MAGI1: variants seen among roughly 807,000 people sequenced by gnomAD.
The protein encoded by MAGI1 is membrane associated guanylate kinase, WW and PDZ domain containing 1.
MAGI1 carries 58 observed loss-of-function variants against 139.9 expected under a neutral mutation model. That is an observed-to-expected ratio of 0.41 (90% confidence interval 0.34 to 0.52). The LOEUF (loss-of-function observed/expected upper bound fraction) is 0.52. Among genes scored for constraint, MAGI1 ranks in the 20% least tolerant of loss-of-function variants. The pLI is 0.12. For missense variants in MAGI1, 1,874 were observed against 1,901.6 expected (o/e 0.99, Z 0.27); for synonymous variants, 812 against 737.9 (o/e 1.10, Z -1.63).
intron 2 of MAGI1, chr3:65,609,772 TC>T: frequency 2.9e-6 from 1 of 346,162 alleles, no homozygotes. Flanking sequence ...AGATGGGGTC[TC>T]CCAATGTTGC....
chr3:65,999,398 T>C (rs1055545216), intron 1 of MAGI1, among the ~76,000 whole-genome samples: 7 of 152,128 alleles, frequency 4.6e-5, no homozygotes, highest in East Asian at 1.9e-4. Flanking sequence ...TTACTTTCAA[T>C]GTGCCAAGCA....
intron 1 of MAGI1, among the ~76,000 whole-genome samples, chr3:65,771,200 A>G (rs1488955266): frequency 6.6e-6 from 1 of 151,768 alleles, no homozygotes; most frequent in African/African-American, 2.4e-5. Context: ...CCAGCTACTC[A>G]GGAGGCTAAG....
chr3:65,979,088 T>TCCTCCCCCCCCCCCCCCCCCCCCCCCCCC (rs1553742242), intron 1 of MAGI1, among the ~76,000 whole-genome samples: 1 of 52,970 alleles, frequency 1.9e-5, no homozygotes, highest in Non-Finnish European at 3.6e-5. Flanking sequence ...TTTCTTTTCT[T>TCCTCCCCCCCCCCCCCCCCCCCCCCCCCC]CCCCCCCCCC....
rs905984448 is a variant in MAGI1, at chr3:65,988,240, G to A, written c.313+49756C>T. 3.3e-5 allele frequency among the ~76,000 whole-genome samples: 5 copies of A among 151,346 alleles called. No individual in the cohort carries two copies. The East Asian group carries it at 7.9e-4, about 24-fold the overall frequency. ...AAATTCAGGATATCCATTTGTGTTG[G>A]TGACATCCTATTTTTTTTCATTCAA... is the stretch of plus-strand genomic sequence containing the variant. On this transcript the variant is annotated intron_variant, in intron 1 of 22. Transcript: ENST00000402939.
intron 14 of MAGI1, chr3:65,387,033 CT>C: frequency 1.1e-6 from 1 of 939,018 alleles, no homozygotes; most frequent in Non-Finnish European, 1.7e-6. Context: ...CTTCATGCCC[CT>C]TTTTTCTTCC....
At chr3:66,009,687 T>C (rs1405281725) in intron 1 of MAGI1, among the ~76,000 whole-genome samples, 1 of 152,130 alleles carries the variant, frequency 6.6e-6, no homozygotes, top group Admixed American at 6.5e-5. Flanking sequence ...TAACACATAG[T>C]AGGTGTTCAA....
chr3:65,602,878 A>G (rs1051607113), intron 2 of MAGI1, among the ~76,000 whole-genome samples: 1 of 152,098 alleles, frequency 6.6e-6, no homozygotes, highest in Non-Finnish European at 1.5e-5. Flanking sequence ...GAGAAATCAT[A>G]TATGATCAAC....
intron 1 of MAGI1, among the ~76,000 whole-genome samples, chr3:66,024,054 C>T (rs973580276): frequency 6.6e-6 from 1 of 152,098 alleles, no homozygotes; most frequent in African/African-American, 2.4e-5. Flanking sequence ...ATGTACTATT[C>T]ATTTCAACAC....
intron 2 of MAGI1, among the ~76,000 whole-genome samples, chr3:65,612,105 C>G (rs868503567): frequency 1.3e-5 from 2 of 152,058 alleles, no homozygotes; most frequent in Non-Finnish European, 2.9e-5. Flanking sequence ...ACTAAAAACA[C>G]TGATATAAGT....
intron 2 of MAGI1, among the ~76,000 whole-genome samples, chr3:65,583,731 A>G (rs1393357881): frequency 6.6e-6 from 1 of 152,180 alleles, no homozygotes; most frequent in African/African-American, 2.4e-5. Context: ...GCTGAAGAAG[A>G]ATAGGGCTCT....
At chr3:65,701,769 T>A (rs1000988350) in intron 1 of MAGI1, among the ~76,000 whole-genome samples, 2 of 152,074 alleles carry the variant, frequency 1.3e-5, no homozygotes, top group South Asian at 4.1e-4. Flanking sequence ...ATGCTCAGAA[T>A]CACAGCTGTA....
At chr3:65,619,964 G>T (rs2083578563) in intron 2 of MAGI1, 1 of 985,236 alleles carries the variant, frequency 1.0e-6, no homozygotes, top group Admixed American at 6.2e-5. Context: ...AAACAAACAT[G>T]ATTTTTCCAC....
intron 1 of MAGI1, among the ~76,000 whole-genome samples, chr3:65,756,235 T>C (rs1186360511): frequency 2.0e-5 from 3 of 152,310 alleles, no homozygotes; most frequent in African/African-American, 7.2e-5. Context: ...AGTTAGAGAC[T>C]AAACTCTTCT....
Position 65,680,453 on chromosome 3 carries a change from G to A in MAGI1, c.314-58365C>T, listed in dbSNP as rs545559281. On this transcript the variant is annotated intron_variant, in intron 1 of 22. Transcript: ENST00000402939. Reference sequence around the variant, plus strand: ...TAATTTAAAGACAGTCTCTTGCTCTGTTGCCCAGGCTGGGGAGCAGTGGTG... The same window carrying A: ...TAATTTAAAGACAGTCTCTTGCTCTATTGCCCAGGCTGGGGAGCAGTGGTG... 5.9e-5 allele frequency among the ~76,000 whole-genome samples: 9 copies of A among 152,266 alleles called. No homozygotes were observed. The South Asian group carries it at 1.7e-3, about 28-fold the overall frequency.
At chr3:65,404,195 C>T (rs1454373785) in intron 12 of MAGI1, among the ~76,000 whole-genome samples, 1 of 152,166 alleles carries the variant, frequency 6.6e-6, no homozygotes. Context: ...TTAAGACCAG[C>T]ATTTTCACAT....
intron 1 of MAGI1, among the ~76,000 whole-genome samples, chr3:66,031,664 AG>A (rs1338027794): frequency 1.3e-5 from 2 of 151,988 alleles, no homozygotes; most frequent in African/African-American, 4.8e-5. Context: ...GAACAAAAAC[AG>A]GTTGATTTTT....
At chr3:65,798,660 A>G (rs1345800582) in intron 1 of MAGI1, among the ~76,000 whole-genome samples, 1 of 152,210 alleles carries the variant, frequency 6.6e-6, no homozygotes, top group East Asian at 1.9e-4. Flanking sequence ...TCCTTTCATG[A>G]AAAGAATTTC....
intron 2 of MAGI1, among the ~76,000 whole-genome samples, chr3:65,557,045 G>A (rs544319590): frequency 6.6e-6 from 1 of 152,274 alleles, no homozygotes; most frequent in African/African-American, 2.4e-5. Flanking sequence ...CAACTTATCA[G>A]AAGAACTTTC....
At chr3:65,651,398 T>C (rs1462233390) in intron 1 of MAGI1, among the ~76,000 whole-genome samples, 1 of 152,194 alleles carries the variant, frequency 6.6e-6, no homozygotes, top group South Asian at 2.1e-4. Flanking sequence ...CCATACTCCA[T>C]GCAAGTCCAA....
Sources: gnomAD v4.1 joint callset for allele counts (sites outside exome capture counted in the v4.1 genomes callset) on GRCh38, gnomAD v4.1.1 for gene constraint, MANE v1.5 for transcripts, NCBI Gene and HGNC (gene_info 2026-07-23, HGNC 2026-07-21) for gene names.